Variants in UTRN observed in about 807,000 individuals in gnomAD.
The protein encoded by UTRN is utrophin.
UTRN carries 283 observed loss-of-function variants against 463.9 expected under a neutral mutation model. That is an observed-to-expected ratio of 0.61 (90% CI 0.55 to 0.67). UTRN has a LOEUF of 0.67. Among genes scored for constraint, UTRN ranks in the 30% least tolerant of loss-of-function variants. The pLI is 0.00. For missense variants in UTRN, 3,922 were observed against 4,084.3 expected, an observed-to-expected ratio of 0.96 and a Z score of 1.08; for synonymous variants, 1,442 against 1,431.5, an observed-to-expected ratio of 1.01 and a Z score of -0.17.
chr6:144,736,501 T>C (rs1789415076), intron 54 of UTRN, among the ~76,000 whole-genome samples: 2 of 152,226 alleles, frequency 1.3e-5, no homozygotes, highest in African/African-American at 4.8e-5. Context: ...TCTTATACTG[T>C]TGTATGTATT....
intron 51 of UTRN, among the ~76,000 whole-genome samples, chr6:144,657,855 C>A (rs547032350): frequency 6.6e-6 from 1 of 152,154 alleles, no homozygotes; most frequent in Non-Finnish European, 1.5e-5. Context: ...AAAGATTGTT[C>A]TTTTTCTCTC....
intron 7 of UTRN, among the ~76,000 whole-genome samples, chr6:144,427,308 ATTG>A (rs1369087526): frequency 6.6e-6 from 1 of 152,106 alleles, no homozygotes; most frequent in Non-Finnish European, 1.5e-5. Context: ...GTTATATTTT[ATTG>A]TTGTAAATGA....
rs1051727329 is a variant in UTRN, at chr6:144,692,120, C to T, written c.7653-7967C>T. ...AAGTGTTCTCATCATTTAGCTCCCACTTATAAGTGAAGACATGTGGTATTT... is the reference window on the plus strand; with the variant it reads ...AAGTGTTCTCATCATTTAGCTCCCATTTATAAGTGAAGACATGTGGTATTT... On this transcript the variant is annotated intron_variant, in intron 52 of 74. Transcript: ENST00000367545. 3.2e-4 allele frequency among the ~76,000 whole-genome samples: 48 copies of T among 152,168 alleles called. 1 individual carries two copies. The highest frequency in any genetic ancestry group is 7.9e-4 in the Admixed American group (12 of 15,278).
intron 59 of UTRN, among the ~76,000 whole-genome samples, chr6:144,772,249 G>A (rs1488242941): frequency 6.6e-6 from 1 of 151,616 alleles, no homozygotes; most frequent in Non-Finnish European, 1.5e-5. Flanking sequence ...GCCCAGGCTG[G>A]TCTCGAACTC....
At chr6:144,726,630 G>A (rs563258518) in intron 53 of UTRN, among the ~76,000 whole-genome samples, 29 of 152,280 alleles carry the variant, frequency 1.9e-4, no homozygotes, top group Admixed American at 9.2e-4. Context: ...GCCAGGTCTA[G>A]GAAATACAAA....
At position 144,294,417 on chromosome 6, in the gene UTRN, A is replaced by T. The variant is rs188051873; in HGVS notation, c.79+2510A>T. Among the ~76,000 whole-genome samples the T allele has an allele frequency of 3.3e-5, 5 of 152,308 alleles. No individual in the cohort carries two copies. In the East Asian group the frequency reaches 9.6e-4, roughly 29 times the overall value. ...TTTCATGGTACTCTAAAACTTACATATTTTAAGAGATTTTTAGTTTAGATT... is the reference window on the plus strand; with the variant it reads ...TTTCATGGTACTCTAAAACTTACATTTTTTAAGAGATTTTTAGTTTAGATT... On this transcript the variant is annotated intron_variant, in intron 2 of 74. Transcript: ENST00000367545.
intron 18 of UTRN, 21 bp downstream of exon 18, chr6:144,451,514 A>G: frequency 6.2e-7 from 1 of 1,605,776 alleles, no homozygotes; most frequent in East Asian, 2.2e-5. Context: ...TAAACCACAT[A>G]TATCCTAGTG....
At chr6:144,726,311 TG>T (rs1787876994) in intron 53 of UTRN, among the ~76,000 whole-genome samples, 1 of 152,158 alleles carries the variant, frequency 6.6e-6, no homozygotes, top group Non-Finnish European at 1.5e-5. Flanking sequence ...CTCTGAGTAC[TG>T]AAGTTTTTAT....
intron 50 of UTRN, among the ~76,000 whole-genome samples, chr6:144,558,771 A>G (rs1047105490): frequency 2.6e-5 from 4 of 152,156 alleles, no homozygotes; most frequent in African/African-American, 9.7e-5. Context: ...GGGCAGGAGA[A>G]GGTCACAGAG....
At chr6:144,394,121 A>C (rs1358141018) in intron 2 of UTRN, among the ~76,000 whole-genome samples, 1 of 152,148 alleles carries the variant, frequency 6.6e-6, no homozygotes, top group Admixed American at 6.5e-5. Flanking sequence ...TATCCATTGG[A>C]GTTGTTGGCT....
At chr6:144,770,259 A>T (rs1793863470) in intron 58 of UTRN, among the ~76,000 whole-genome samples, 1 of 152,170 alleles carries the variant, frequency 6.6e-6, no homozygotes, top group African/African-American at 2.4e-5. Flanking sequence ...CCCAACTGCA[A>T]ATACACACTT....
intron 58 of UTRN, among the ~76,000 whole-genome samples, chr6:144,763,478 G>T: frequency 6.6e-6 from 1 of 152,130 alleles, no homozygotes; most frequent in East Asian, 1.9e-4. Context: ...TAAAATCTTG[G>T]GGAGCGAGTA....
intron 51 of UTRN, among the ~76,000 whole-genome samples, chr6:144,669,123 A>T (rs1197818019): frequency 1.3e-5 from 2 of 152,206 alleles, no homozygotes; most frequent in Non-Finnish European, 1.5e-5. Flanking sequence ...CATTAAATTC[A>T]GGAGGAAAAG....
chr6:144,444,264 G>C lies in UTRN; in HGVS notation c.1513-17G>C. 6.3e-7 allele frequency: 1 copy of C among 1,599,096 alleles called. No homozygotes were observed. The highest frequency in any genetic ancestry group is 1.1e-5 in the South Asian group (1 of 89,778). On this transcript the variant is annotated splice_polypyrimidine_tract_variant and intron_variant, in intron 13 of 74. Coordinates refer to ENST00000367545, the MANE Select transcript of UTRN (RefSeq NM_007124.3). ...CTTAAGGCTGTGTTGACAAAGGATG[G>C]TTTCTCCTTTTTCTAGAAACTTGGT...
intron 51 of UTRN, among the ~76,000 whole-genome samples, chr6:144,618,830 C>T (rs1775050474): frequency 1.3e-5 from 2 of 151,974 alleles, no homozygotes; most frequent in South Asian, 2.1e-4. Context: ...ACAATAACAG[C>T]CAAATAAAGT....
chr6:144,353,512 C>T (rs1778296870), intron 2 of UTRN, among the ~76,000 whole-genome samples: 1 of 151,920 alleles, frequency 6.6e-6, no homozygotes, highest in South Asian at 2.1e-4. Flanking sequence ...TCTGCCTTGG[C>T]CTCCCAAAGT....
intron 51 of UTRN, among the ~76,000 whole-genome samples, chr6:144,597,570 T>C (rs1041550333): frequency 6.6e-6 from 1 of 152,214 alleles, no homozygotes; most frequent in African/African-American, 2.4e-5. Flanking sequence ...TGATAACTTT[T>C]GTTGAGACAG....
intron 66 of UTRN, among the ~76,000 whole-genome samples, chr6:144,823,139 T>A (rs562832515): frequency 5.3e-5 from 8 of 152,090 alleles, no homozygotes; most frequent in Non-Finnish European, 1.2e-4. Context: ...TCGCCTCAAT[T>A]CATTCAATTG....
At chr6:144,803,503 A>T (rs1238688694) in intron 65 of UTRN, among the ~76,000 whole-genome samples, 4 of 152,018 alleles carry the variant, frequency 2.6e-5, no homozygotes, top group Non-Finnish European at 5.9e-5. Context: ...GAAAATGGAG[A>T]TATTAAAAAT....
Sources: allele counts gnomAD v4.1 joint callset (sites outside exome capture counted in the v4.1 genomes callset), GRCh38; gene constraint gnomAD v4.1.1; transcripts MANE v1.5; gene names NCBI Gene and HGNC (gene_info 2026-07-23, HGNC 2026-07-21).